CTNNA2: variants seen among roughly 807,000 people sequenced by gnomAD.
CTNNA2 encodes the protein catenin alpha 2.
In CTNNA2, 42 loss-of-function variants were observed where a neutral mutation model predicts 101.0. The ratio of observed to expected loss-of-function variants is 0.42; its 90% confidence interval spans 0.32 to 0.54. CTNNA2 has a LOEUF of 0.54. Among genes scored for constraint, CTNNA2 ranks in the 20% least tolerant of loss-of-function variants. The probability of loss-of-function intolerance (pLI) is 0.14; values close to 1 mark genes in which losing one functional copy is unlikely to be tolerated. For synonymous variants in CTNNA2, 450 were observed against 456.4 expected (o/e 0.99, Z 0.18); for missense variants, 871 against 1,223.1 (o/e 0.71, Z 4.29).
chr2:80,108,620 C>T (rs1420196963), intron 7 of CTNNA2, among the ~76,000 whole-genome samples: 2 of 152,174 alleles, frequency 1.3e-5, no homozygotes, highest in Admixed American at 6.5e-5. Context: ...CTGCCTTCCT[C>T]AGGCTATGAT....
chr2:80,458,502 A>G (rs1400287409), intron 9 of CTNNA2, among the ~76,000 whole-genome samples: 1 of 152,216 alleles, frequency 6.6e-6, no homozygotes, highest in African/African-American at 2.4e-5. Context: ...CAAAATACGT[A>G]TTTATATTTG....
At chr2:80,584,562 G>A (rs1003795520) in intron 14 of CTNNA2, among the ~76,000 whole-genome samples, 4 of 151,872 alleles carry the variant, frequency 2.6e-5, no homozygotes, top group Non-Finnish European at 4.4e-5. Context: ...TCCACAGTCT[G>A]GCATAGTTAA....
intron 7 of CTNNA2, among the ~76,000 whole-genome samples, chr2:79,927,541 T>C (rs558901677): frequency 1.5e-4 from 23 of 152,002 alleles, no homozygotes; most frequent in Admixed American, 1.4e-3. Context: ...AGAAGATAGA[T>C]GGGAGAAGGA....
chr2:79,572,329 TAA>T (rs1675509979), intron 1 of CTNNA2, among the ~76,000 whole-genome samples: 1 of 152,104 alleles, frequency 6.6e-6, no homozygotes, highest in African/African-American at 2.4e-5. Flanking sequence ...TTGAGAAAAA[TAA>T]GTTAAGCTGA....
At chr2:80,457,831 A>T (rs953202531) in intron 9 of CTNNA2, among the ~76,000 whole-genome samples, 9 of 151,982 alleles carry the variant, frequency 5.9e-5, no homozygotes, top group Middle Eastern at 3.4e-3. Flanking sequence ...GCTTTCTAAG[A>T]TTTTGTTTTT....
intron 4 of CTNNA2, among the ~76,000 whole-genome samples, chr2:79,414,807 C>G (rs1678459380): frequency 6.6e-6 from 1 of 152,006 alleles, no homozygotes; most frequent in African/African-American, 2.4e-5. Context: ...AACCACCACA[C>G]AGGGGAGTGA....
intron 7 of CTNNA2, among the ~76,000 whole-genome samples, chr2:80,380,735 G>A (rs1398936724): frequency 6.6e-6 from 1 of 152,156 alleles, no homozygotes; most frequent in Non-Finnish European, 1.5e-5. Context: ...TCATTTAGAT[G>A]CCAGCATAGG....
intron 11 of CTNNA2, among the ~76,000 whole-genome samples, chr2:80,546,552 G>GGT (rs777773555): frequency 3.9e-5 from 6 of 152,294 alleles, no homozygotes; most frequent in Non-Finnish European, 7.3e-5. Flanking sequence ...GCAGGGACTT[G>GGT]GTAGCTATCA....
At chr2:79,734,800 T>TA (rs1573825362) in intron 2 of CTNNA2, among the ~76,000 whole-genome samples, 1 of 152,206 alleles carries the variant, frequency 6.6e-6, no homozygotes. Context: ...TTATGCAGCT[T>TA]AAAATCATAA....
intron 7 of CTNNA2, among the ~76,000 whole-genome samples, chr2:80,255,047 T>A (rs1018027336): frequency 1.3e-5 from 2 of 152,216 alleles, no homozygotes; most frequent in Non-Finnish European, 2.9e-5. Context: ...GATGAATGGG[T>A]CCTGACATGG....
intron 7 of CTNNA2, among the ~76,000 whole-genome samples, chr2:79,951,426 G>A (rs759062063): frequency 2.0e-5 from 3 of 152,038 alleles, no homozygotes; most frequent in Non-Finnish European, 4.4e-5. Flanking sequence ...CAGCACTTTC[G>A]GTGGCTGAGG....
chr2:79,217,100 G>C (rs1674273918), intron 2 of CTNNA2, among the ~76,000 whole-genome samples: 1 of 152,190 alleles, frequency 6.6e-6, no homozygotes, highest in South Asian at 2.1e-4. Context: ...ATATTGAAAG[G>C]AGATAGTGGT....
At chr2:80,043,129 CCT>C (rs1558755382) in intron 7 of CTNNA2, among the ~76,000 whole-genome samples, 18 of 37,218 alleles carry the variant, frequency 4.8e-4, no homozygotes, top group South Asian at 1.3e-3. Context: ...CTCCTTCCTT[CCT>C]TCCTTCCTTC....
intron 13 of CTNNA2, among the ~76,000 whole-genome samples, chr2:80,580,766 G>C (rs1265247555): frequency 6.6e-6 from 1 of 152,110 alleles, no homozygotes; most frequent in Non-Finnish European, 1.5e-5. Flanking sequence ...TGTAATCCTA[G>C]CAATTTGGGA....
At position 79,616,840 on chromosome 2, in the gene CTNNA2, C is replaced by T. The variant is rs573351753; in HGVS notation, c.-5-34712C>T. Among the ~76,000 whole-genome samples, 196 of 152,062 alleles carry T rather than the reference C, an allele frequency of 1.3e-3. 6 individuals are homozygous for T. In the South Asian group the frequency reaches 0.039, roughly 31 times the overall value. ...CCTATACAATTTGCAACCATTAATCCTTGTCTTTTGGCGTTTGTCATTTTC... is the reference window on the plus strand; with the variant it reads ...CCTATACAATTTGCAACCATTAATCTTTGTCTTTTGGCGTTTGTCATTTTC... On this transcript the variant is annotated intron_variant, in intron 1 of 18. Transcript: ENST00000402739.
chr2:80,427,611 C>T (rs1209204266), intron 9 of CTNNA2, among the ~76,000 whole-genome samples: 1 of 152,206 alleles, frequency 6.6e-6, no homozygotes, highest in Non-Finnish European at 1.5e-5. Flanking sequence ...GACTTAGTTA[C>T]TCCTGATAGC....
chr2:80,579,377 C>A (rs534569310), intron 13 of CTNNA2: 1 of 152,046 alleles, frequency 6.6e-6, no homozygotes, highest in Non-Finnish European at 1.5e-5. Context: ...TGAGATTTTT[C>A]GATTTACTTT....
intron 9 of CTNNA2, among the ~76,000 whole-genome samples, chr2:80,437,249 A>T (rs1041238035): frequency 6.6e-6 from 1 of 152,180 alleles, no homozygotes; most frequent in African/African-American, 2.4e-5. Flanking sequence ...ACACACTAAG[A>T]CAGCCACTTT....
chr2:79,280,701 G>C (rs4853450), intron 2 of CTNNA2, among the ~76,000 whole-genome samples: 72,231 of 147,142 alleles, frequency 0.49, 18,514 homozygotes, highest in African/African-American at 0.51. Context: ...GAGAGAGAGA[G>C]ACCTATAGCT....
Sources: allele counts gnomAD v4.1 joint callset (sites outside exome capture counted in the v4.1 genomes callset), GRCh38; gene constraint gnomAD v4.1.1; transcripts MANE v1.5; gene names NCBI Gene and HGNC (gene_info 2026-07-23, HGNC 2026-07-21).